Variants in MGAT4C observed in about 807,000 individuals in gnomAD.
MGAT4C encodes the protein MGAT4 family member C, also known as alpha-1,3-mannosyl-glycoprotein 4-beta-N-acetylglucosaminyltransferase C.
Under a neutral mutation model 40.1 loss-of-function variants are expected in MGAT4C, and 19 were observed. The ratio of observed to expected loss-of-function variants is 0.47; its 90% confidence interval spans 0.33 to 0.70. MGAT4C has a LOEUF of 0.70. MGAT4C is among the 30% of genes least tolerant of loss of function. The probability of loss-of-function intolerance (pLI) is 0.02; values close to 1 mark genes in which losing one functional copy is unlikely to be tolerated. For missense variants in MGAT4C, 491 were observed against 563.2 expected, an observed-to-expected ratio of 0.87 and a Z score of 1.30; for synonymous variants, 181 against 187.1, an observed-to-expected ratio of 0.97 and a Z score of 0.27.
intron 2 of MGAT4C, among the ~76,000 whole-genome samples, chr12:86,017,881 A>T (rs1889254581): frequency 6.6e-6 from 1 of 152,206 alleles, no homozygotes; most frequent in African/African-American, 2.4e-5. Context: ...TATTAGTTGT[A>T]CAAATGTTAT....
chr12:86,355,255 A>G (rs1289080458), intron 3 of MGAT4C, among the ~76,000 whole-genome samples: 1 of 152,184 alleles, frequency 6.6e-6, no homozygotes, highest in Non-Finnish European at 1.5e-5. Context: ...CAGAATGCTG[A>G]TTGGCACATT....
At chr12:86,447,370 C>T (rs2136284160) in intron 2 of MGAT4C, among the ~76,000 whole-genome samples, 1 of 152,278 alleles carries the variant, frequency 6.6e-6, no homozygotes, top group Middle Eastern at 3.4e-3. Context: ...GGTGAACCAC[C>T]TGCCTTGGCC....
intron 1 of MGAT4C, among the ~76,000 whole-genome samples, chr12:86,224,669 T>C (rs757526072): frequency 3.0e-4 from 45 of 152,260 alleles, no homozygotes; most frequent in Non-Finnish European, 6.2e-4. Flanking sequence ...TATACAAATA[T>C]GTGGAAACTA....
chr12:86,638,327 AG>A, intron 2 of MGAT4C, among the ~76,000 whole-genome samples: 1 of 151,970 alleles, frequency 6.6e-6, no homozygotes, highest in East Asian at 1.9e-4. Flanking sequence ...TACCCTGGAC[AG>A]CTGACCACAA....
chr12:86,395,647 A>T (rs1956247905), intron 3 of MGAT4C, among the ~76,000 whole-genome samples: 1 of 152,212 alleles, frequency 6.6e-6, no homozygotes, highest in East Asian at 1.9e-4. Context: ...TTGTATTTTA[A>T]AAGTGCAGTG....
chr12:86,245,346 C>A (rs963035588), intron 1 of MGAT4C, among the ~76,000 whole-genome samples: 1 of 152,186 alleles, frequency 6.6e-6, no homozygotes. Context: ...CCCTTCTAGG[C>A]TTCCTGGAAA....
At chr12:86,642,147 A>C (rs1243190987) in intron 2 of MGAT4C, among the ~76,000 whole-genome samples, 4 of 151,846 alleles carry the variant, frequency 2.6e-5, no homozygotes, top group Non-Finnish European at 5.9e-5. Flanking sequence ...ATAAGAAGGA[A>C]TTAATGCTGT....
chr12:86,043,488 T>C lies in MGAT4C; in HGVS notation c.-7+6186A>G, dbSNP rs1409585659. ...AAAGGAGGTCAGAAGACTCAGCCAG[T>C]CTAGTCCTTCCACATTCTTCTACCT... is the stretch of plus-strand genomic sequence containing the variant. On this transcript the variant is annotated intron_variant, in intron 2 of 4. Coordinates refer to ENST00000611864, the MANE Select transcript of MGAT4C (RefSeq NM_001351288.2). Among the ~76,000 whole-genome samples, 24 of 152,130 alleles carry C rather than the reference T, an allele frequency of 1.6e-4. 1 individual carries two copies. The highest frequency in any genetic ancestry group is 2.6e-4 in the Non-Finnish European group (18 of 68,034).
At chr12:86,236,464 A>T (rs977076982) in intron 1 of MGAT4C, among the ~76,000 whole-genome samples, 3 of 152,040 alleles carry the variant, frequency 2.0e-5, no homozygotes, top group Non-Finnish European at 2.9e-5. Flanking sequence ...TCTCAGTTTT[A>T]TTTCTAGCAA....
intron 2 of MGAT4C, among the ~76,000 whole-genome samples, chr12:85,994,232 A>T (rs1886330084): frequency 6.6e-6 from 1 of 152,244 alleles, no homozygotes; most frequent in Non-Finnish European, 1.5e-5. Context: ...GTCCTTAGAG[A>T]ATAATGACAG....
intron 2 of MGAT4C, among the ~76,000 whole-genome samples, chr12:86,002,640 G>T (rs1592658499): frequency 6.7e-6 from 1 of 149,334 alleles, no homozygotes; most frequent in East Asian, 2.0e-4. Context: ...TATAGGTATA[G>T]AATATACATA....
intron 1 of MGAT4C, among the ~76,000 whole-genome samples, chr12:86,072,755 A>T (rs144090985): frequency 7.4e-4 from 112 of 152,254 alleles, no homozygotes; most frequent in African/African-American, 2.5e-3. Context: ...ACAGAATATA[A>T]TTGAAAAGTA....
Position 86,616,159 on chromosome 12 carries a change from T to G in MGAT4C, c.-229+111050A>C, listed in dbSNP as rs947880339. On this transcript the variant is annotated intron_variant, in intron 2 of 7. Coordinates refer to the MGAT4C transcript ENST00000548651. The stretch of plus-strand genomic sequence containing the variant: ...ACTTAAGTAATGATCTGATATCATT[T>G]AGAGTATAGCATCCATATTTGTTGC... Among the ~76,000 whole-genome samples the G allele has an allele frequency of 3.3e-4, 50 of 152,118 alleles. 1 individual carries two copies. The highest frequency in any genetic ancestry group is 4.4e-5 in the Non-Finnish European group (3 of 67,948).
chr12:86,226,542 T>C (rs934532669), intron 1 of MGAT4C, among the ~76,000 whole-genome samples: 4 of 151,976 alleles, frequency 2.6e-5, no homozygotes, highest in African/African-American at 9.7e-5. Flanking sequence ...CTGATACTTT[T>C]GTTCTTTGTT....
At chr12:86,779,817 G>A (rs971422003) in intron 1 of MGAT4C, among the ~76,000 whole-genome samples, 29 of 152,062 alleles carry the variant, frequency 1.9e-4, no homozygotes, top group African/African-American at 7.0e-4. Context: ...GGAGGCTGAG[G>A]CAGGAGAATG....
Position 86,435,559 on chromosome 12 carries a change from T to C in MGAT4C, c.-228-294A>G, listed in dbSNP as rs1022820835. On this transcript the variant is annotated intron_variant, in intron 2 of 7. Coordinates refer to the MGAT4C transcript ENST00000548651. ...AATCAAGATGATACTGTCTGGTACG[T>C]AAATTTACTTAGCACCTATATGTCT... Among the ~76,000 whole-genome samples, 8 of 151,984 alleles carry C rather than the reference T, an allele frequency of 5.3e-5. No homozygotes were observed. In the East Asian group the frequency reaches 1.5e-3, roughly 29 times the overall value.
chr12:86,025,164 T>A (rs1470542303), intron 2 of MGAT4C, among the ~76,000 whole-genome samples: 1 of 151,696 alleles, frequency 6.6e-6, no homozygotes, highest in Non-Finnish European at 1.5e-5. Context: ...TTTCAGCTTA[T>A]CTTTTTTTCA....
chr12:86,510,268 T>A (rs548545313), intron 2 of MGAT4C, among the ~76,000 whole-genome samples: 1 of 152,220 alleles, frequency 6.6e-6, no homozygotes, highest in African/African-American at 2.4e-5. Flanking sequence ...GTTTTTAGCA[T>A]GAAGGGTTGT....
At chr12:86,730,652 C>A (rs1433835776) in intron 1 of MGAT4C, among the ~76,000 whole-genome samples, 1 of 152,028 alleles carries the variant, frequency 6.6e-6, no homozygotes, top group Non-Finnish European at 1.5e-5. Flanking sequence ...AGTCAAGGAT[C>A]TCCTGCTATT....
Sources: gnomAD v4.1 joint callset for allele counts (sites outside exome capture counted in the v4.1 genomes callset) on GRCh38, gnomAD v4.1.1 for gene constraint, MANE v1.5 for transcripts, NCBI Gene and HGNC (gene_info 2026-07-23, HGNC 2026-07-21) for gene names.